BANK1: variants seen among roughly 807,000 people sequenced by gnomAD.
The protein encoded by BANK1 is B-cell scaffold protein with ankyrin repeats.
A neutral mutation model predicts 94.5 loss-of-function variants in BANK1; 95 were observed. That is an observed-to-expected ratio of 1.00 (90% CI 0.85 to 1.19). The LOEUF (loss-of-function observed/expected upper bound fraction) is 1.19. Ranked by LOEUF, BANK1 falls within the 50% of genes most tolerant of loss-of-function variation. The probability of loss-of-function intolerance (pLI) is 0.00; values close to 1 mark genes in which losing one functional copy is unlikely to be tolerated. For synonymous variants in BANK1, 334 were observed against 308.4 expected (o/e 1.08, Z -0.87); for missense variants, 987 against 932.2 (o/e 1.06, Z -0.77).
chr4:101,852,539 G>A lies in BANK1; in HGVS notation c.470-2496G>A, dbSNP rs182376145. ...ATATAGTCTATTCTCATTCATTCAA[G>A]CCTATGTCTTTAATTCCTACCACAT... On this transcript the variant is annotated intron_variant, in intron 2 of 16. Transcript: ENST00000322953. Among the ~76,000 whole-genome samples, 16 of 136,614 alleles carry A rather than the reference G, an allele frequency of 1.2e-4. No homozygotes were observed. The East Asian group carries it at 3.4e-3, about 29-fold the overall frequency. The allele number at this position is 136,614 out of a possible 152,430, so 89.6% of individuals were successfully genotyped here. A position where few individuals can be genotyped will look rare whatever the true frequency, so the allele number is the denominator to read the frequency against.
At chr4:102,032,060 C>T (rs1014088213) in intron 10 of BANK1, 3 of 152,148 alleles carry the variant, frequency 2.0e-5, no homozygotes, top group Non-Finnish European at 4.4e-5. Context: ...GCTAGAAATT[C>T]TCAGGTTGTC....
intron 7 of BANK1, among the ~76,000 whole-genome samples, chr4:101,949,765 G>C (rs957605220): frequency 6.6e-6 from 1 of 152,046 alleles, no homozygotes; most frequent in Non-Finnish European, 1.5e-5. Flanking sequence ...TAGGATAAAC[G>C]TACAGGAAAA....
At chr4:101,893,519 A>G (rs1333703682) in intron 5 of BANK1, among the ~76,000 whole-genome samples, 1 of 152,064 alleles carries the variant, frequency 6.6e-6, no homozygotes, top group Non-Finnish European at 1.5e-5. Context: ...TTACAAACTA[A>G]TGTTATGATT....
At chr4:101,938,853 T>C (rs73836675) in intron 7 of BANK1, among the ~76,000 whole-genome samples, 122 of 151,694 alleles carry the variant, frequency 8.0e-4, no homozygotes, top group African/African-American at 2.8e-3. Flanking sequence ...GTCCCCAAAA[T>C]ACTTTAAACT....
chr4:102,059,720 A>T (rs1451897162), intron 11 of BANK1, among the ~76,000 whole-genome samples: 1 of 151,696 alleles, frequency 6.6e-6, no homozygotes, highest in Non-Finnish European at 1.5e-5. Context: ...AATCTTTCAG[A>T]AATAAATTTT....
At chr4:101,882,251 A>T (rs547134269) in intron 5 of BANK1, among the ~76,000 whole-genome samples, 1 of 152,260 alleles carries the variant, frequency 6.6e-6, no homozygotes, top group East Asian at 1.9e-4. Context: ...ACAAAACAAA[A>T]AAAGATAGAA....
chr4:102,036,179 C>T (rs551903029), intron 10 of BANK1, among the ~76,000 whole-genome samples: 1 of 152,152 alleles, frequency 6.6e-6, no homozygotes, highest in South Asian at 2.1e-4. Flanking sequence ...CTGAGTTGCC[C>T]TTGGCATTTT....
chr4:102,043,411 CA>C (rs1057468219), intron 10 of BANK1, among the ~76,000 whole-genome samples: 2 of 151,982 alleles, frequency 1.3e-5, no homozygotes, highest in Non-Finnish European at 2.9e-5. Flanking sequence ...CTCTGAAATA[CA>C]AGAGTCTTTT....
rs143780355 is a variant in BANK1, at chr4:102,001,798, G to A, written c.1207-19716G>A. ...TGCAGGGGTAAAATAGGAGCCAGCA[G>A]GGACAAAAAAATTGGGCAGCATTCA... is the stretch of plus-strand genomic sequence containing the variant. On this transcript the variant is annotated intron_variant, in intron 7 of 16. Transcript: ENST00000322953. Among the ~76,000 whole-genome samples, 895 of 152,258 alleles carry A rather than the reference G, an allele frequency of 5.9e-3. 6 individuals carry two copies. The highest frequency in any genetic ancestry group is 9.1e-3 in the Non-Finnish European group (618 of 68,008).
At chr4:102,033,455 A>G (rs1398343100) in intron 10 of BANK1, among the ~76,000 whole-genome samples, 1 of 152,074 alleles carries the variant, frequency 6.6e-6, no homozygotes, top group East Asian at 1.9e-4. Flanking sequence ...AAACCTGTGT[A>G]CTAAGTTTAT....
rs1298403723 is a variant in BANK1, at chr4:101,790,949, A to C, written c.69A>C (p.Pro23=). 2 of 1,513,878 alleles carry C rather than the reference A, an allele frequency of 1.3e-6. No homozygotes were observed. Among genetic ancestry groups the C allele is most frequent in the African/African-American group, 2.8e-5 (2 of 71,350 alleles). The allele number at this position is 1,513,878 out of a possible 1,614,324, so 93.8% of individuals were successfully genotyped here. The part of the protein sequence containing the change: ...PDPAPCGPAP[P]GNTKDIIMIY... ...CCGCCCCCTGCGGCCCAGCGCCCCC[A>C]GGTGGGTAGTCGCGCATTCGGAGGG... Residue 23 remains proline, a splice_region_variant and synonymous_variant, in exon 1 of 17, where the codon CCA becomes CCC. Transcript: ENST00000322953.
intron 9 of BANK1, among the ~76,000 whole-genome samples, chr4:102,027,553 C>G (rs1727144795): frequency 6.6e-6 from 1 of 151,718 alleles, no homozygotes; most frequent in African/African-American, 2.4e-5. Flanking sequence ...AAATGCAAGG[C>G]TGTAAGCTAT....
At chr4:101,810,892 T>C (rs1463451314) in intron 1 of BANK1, among the ~76,000 whole-genome samples, 1 of 152,178 alleles carries the variant, frequency 6.6e-6, no homozygotes, top group East Asian at 1.9e-4. Flanking sequence ...GCCTTTATTA[T>C]AGGTATCATG....
intron 1 of BANK1, among the ~76,000 whole-genome samples, chr4:101,806,444 T>C (rs1306307152): frequency 1.3e-5 from 2 of 152,182 alleles, no homozygotes; most frequent in South Asian, 2.1e-4. Context: ...ACAGAAAGAC[T>C]GAGTAGTTCT....
rs75521683 is a variant in BANK1 at position 101,888,745 on chromosome 4, C to T, written c.904-6560C>T. 5.5e-3 allele frequency among the ~76,000 whole-genome samples: 840 copies of T among 152,310 alleles called. 2 individuals carry two copies. The highest frequency in any genetic ancestry group is 8.6e-3 in the Non-Finnish European group (584 of 68,030). ...GAGATAGCTTATATAGAGCCTGGCA[C>T]ATTAGCAGTGCTCCGCATGTGGTAG... On this transcript the variant is annotated intron_variant, in intron 5 of 16. Transcript: ENST00000322953.
chr4:101,840,738 C>G (rs1215587773), intron 2 of BANK1, among the ~76,000 whole-genome samples: 1 of 152,210 alleles, frequency 6.6e-6, no homozygotes, highest in African/African-American at 2.4e-5. Flanking sequence ...GCTCTCAGCT[C>G]TGAAGGCTGT....
chr4:101,899,384 A>AT (rs1321347276), intron 6 of BANK1, among the ~76,000 whole-genome samples: 3 of 152,044 alleles, frequency 2.0e-5, no homozygotes, highest in Admixed American at 1.3e-4. Flanking sequence ...TTTCCACTCC[A>AT]TTTTTTTGCT....
chr4:102,053,181 T>C (rs1022424505), intron 11 of BANK1, among the ~76,000 whole-genome samples: 2 of 152,140 alleles, frequency 1.3e-5, no homozygotes, highest in Non-Finnish European at 2.9e-5. Context: ...GACAGGTTTT[T>C]AAAAACTAGA....
At chr4:101,948,903 G>A (rs2148913526) in intron 7 of BANK1, among the ~76,000 whole-genome samples, 1 of 152,070 alleles carries the variant, frequency 6.6e-6, no homozygotes, top group African/African-American at 2.4e-5. Flanking sequence ...TTAAAATTTT[G>A]ATATTTTGTT....
Sources: gnomAD v4.1 joint callset for allele counts (sites outside exome capture counted in the v4.1 genomes callset) on GRCh38, gnomAD v4.1.1 for gene constraint, MANE v1.5 for transcripts, NCBI Gene and HGNC (gene_info 2026-07-23, HGNC 2026-07-21) for gene names.